Variants in OXSR1 observed in about 807,000 individuals in gnomAD.
OXSR1 encodes the protein oxidative stress responsive kinase 1.
A neutral mutation model predicts 79.8 loss-of-function variants in OXSR1; 24 were observed. The ratio of observed to expected loss-of-function variants is 0.30; its 90% CI spans 0.22 to 0.42. The LOEUF (loss-of-function observed/expected upper bound fraction) is 0.42. OXSR1 is among the 10% of genes least tolerant of loss of function. The pLI is 1.00. For missense variants in OXSR1, 430 were observed against 618.4 expected (o/e 0.70, Z 3.23); for synonymous variants, 226 against 209.2 (o/e 1.08, Z -0.69).
intron 2 of OXSR1, among the ~76,000 whole-genome samples, chr3:38,187,446 G>T (rs1701906005): frequency 6.6e-6 from 1 of 152,132 alleles, no homozygotes; most frequent in African/African-American, 2.4e-5. Context: ...CTCAGTTAAG[G>T]CAGAGACTTT....
At position 38,183,052 on chromosome 3, in the gene OXSR1, G is replaced by C; in HGVS notation, c.120G>C (p.Lys40Asn). 6.2e-7 allele frequency: 1 copy of C among 1,613,036 alleles called. No individual in the cohort carries two copies. Among genetic ancestry groups the C allele is most frequent in the Non-Finnish European group, 8.5e-7 (1 of 1,179,518 alleles). The change falls in exon 2 of 18, where the codon AAG (lysine) becomes AAC (asparagine). Residue 40 changes from lysine to asparagine, a missense_variant. Transcript: ENST00000311806. ...VVQAAYCAPK[K>N]EKVAIKRINL... ...AAGCAGCTTATTGTGCCCCTAAAAA[G>C]GAGAAAGTGGCAATCAAACGGATAA...
At chr3:38,225,319 A>C (rs1482922283) in intron 8 of OXSR1, among the ~76,000 whole-genome samples, 1 of 152,150 alleles carries the variant, frequency 6.6e-6, no homozygotes, top group Non-Finnish European at 1.5e-5. Flanking sequence ...TGAATCTCAA[A>C]GTCCTGATTC....
chr3:38,252,609 T>G (rs1185242908), intron 17 of OXSR1, among the ~76,000 whole-genome samples: 2 of 152,166 alleles, frequency 1.3e-5, no homozygotes, highest in African/African-American at 4.8e-5. Context: ...CCCTTGGCTA[T>G]TCATAAGAGA....
chr3:38,166,571 T>A (rs1351067439), intron 1 of OXSR1, among the ~76,000 whole-genome samples: 1 of 152,062 alleles, frequency 6.6e-6, no homozygotes, highest in Non-Finnish European at 1.5e-5. Flanking sequence ...GGCGGGCGGA[T>A]CACGAGGTCG....
At chr3:38,235,990 G>A (rs1419930500) in intron 10 of OXSR1, among the ~76,000 whole-genome samples, 2 of 152,156 alleles carry the variant, frequency 1.3e-5, no homozygotes, top group Non-Finnish European at 2.9e-5. Context: ...AGATCAGGAG[G>A]TTCTGGTGAG....
intron 4 of OXSR1, among the ~76,000 whole-genome samples, chr3:38,203,108 G>A (rs777521779): frequency 4.9e-4 from 74 of 152,308 alleles, no homozygotes; most frequent in Admixed American, 9.1e-4. Context: ...TTTGAAGTTC[G>A]TAGTAGATAG....
chr3:38,178,394 A>C (rs965460250), intron 1 of OXSR1, among the ~76,000 whole-genome samples: 1 of 152,142 alleles, frequency 6.6e-6, no homozygotes, highest in Non-Finnish European at 1.5e-5. Context: ...TAAATGTAAC[A>C]AACAAATTCT....
At chr3:38,216,055 T>C (rs767412425) in intron 4 of OXSR1, 41 bp from the exon 5 acceptor site, 6 of 1,223,442 alleles carry the variant, frequency 4.9e-6, no homozygotes, top group Middle Eastern at 2.6e-4. Context: ...CTCCAAAGAA[T>C]AGATGTTTTT....
At chr3:38,241,469 C>A (rs1257488458) in intron 11 of OXSR1, among the ~76,000 whole-genome samples, 1 of 152,036 alleles carries the variant, frequency 6.6e-6, no homozygotes, top group East Asian at 1.9e-4. Context: ...AGTATTATAT[C>A]ATGTTAAATT....
intron 4 of OXSR1, among the ~76,000 whole-genome samples, chr3:38,204,084 A>C (rs1032353077): frequency 6.6e-6 from 1 of 150,602 alleles, no homozygotes; most frequent in African/African-American, 2.4e-5. Context: ...CCCCCTTTCC[A>C]CAAGTAGAGG....
At chr3:38,246,804 CCTT>C (rs1703150632) in intron 13 of OXSR1, among the ~76,000 whole-genome samples, 1 of 152,114 alleles carries the variant, frequency 6.6e-6, no homozygotes, top group Non-Finnish European at 1.5e-5. Context: ...CTGTGTAACT[CCTT>C]CTCTCCCTTC....
intron 4 of OXSR1, among the ~76,000 whole-genome samples, chr3:38,201,754 C>T (rs951526534): frequency 6.6e-6 from 1 of 151,844 alleles, no homozygotes; most frequent in Non-Finnish European, 1.5e-5. Context: ...GTCTCAGCTA[C>T]TCAGGAGGCT....
intron 5 of OXSR1, among the ~76,000 whole-genome samples, chr3:38,218,818 A>G (rs930562067): frequency 2.0e-5 from 3 of 152,116 alleles, no homozygotes; most frequent in Non-Finnish European, 1.5e-5. Flanking sequence ...TTCATACCTT[A>G]TTACAGATAA....
intron 1 of OXSR1, among the ~76,000 whole-genome samples, chr3:38,170,048 T>C (rs1388417770): frequency 6.6e-6 from 1 of 151,950 alleles, no homozygotes; most frequent in Non-Finnish European, 1.5e-5. Context: ...AATTTTATTA[T>C]TATTATTTTT....
At chr3:38,195,496 G>A (rs993073987) in intron 3 of OXSR1, among the ~76,000 whole-genome samples, 1 of 152,152 alleles carries the variant, frequency 6.6e-6, no homozygotes, top group Non-Finnish European at 1.5e-5. Flanking sequence ...GCAAATTTTG[G>A]CCTCTTTGAA....
intron 11 of OXSR1, among the ~76,000 whole-genome samples, chr3:38,239,239 TGTTA>T (rs1320637432): frequency 2.0e-5 from 3 of 152,198 alleles, no homozygotes; most frequent in South Asian, 2.1e-4. Flanking sequence ...GGTTTTGTTT[TGTTA>T]GTTATTCTCT....
In OXSR1 at chr3:38,193,774, C is replaced by A. The variant is rs140706891; in HGVS notation, c.292+2935C>A. 9.2e-5 allele frequency among the ~76,000 whole-genome samples: 14 copies of A among 152,146 alleles called. No individual in the cohort carries two copies. In the East Asian group the frequency reaches 1.5e-3, roughly 17 times the overall value. ...CTGGGACATTACCCAATTTTTCTAG[C>A]CTAGCACTCAGCAGATTTCCTGGAG... On this transcript the variant is annotated intron_variant, in intron 3 of 17. Transcript: ENST00000311806.
At chr3:38,189,744 T>G (rs1701948889) in intron 2 of OXSR1, among the ~76,000 whole-genome samples, 1 of 152,224 alleles carries the variant, frequency 6.6e-6, no homozygotes, top group Non-Finnish European at 1.5e-5. Context: ...AAGAACAGTT[T>G]TAGTTCTCAC....
chr3:38,214,722 A>C (rs1260128540), intron 4 of OXSR1, among the ~76,000 whole-genome samples: 1 of 152,234 alleles, frequency 6.6e-6, no homozygotes, highest in African/African-American at 2.4e-5. Flanking sequence ...GATTATAAGC[A>C]GTACAAAATA....
Sources: gnomAD v4.1 joint callset for allele counts (sites outside exome capture counted in the v4.1 genomes callset) on GRCh38, gnomAD v4.1.1 for gene constraint, MANE v1.5 for transcripts, NCBI Gene and HGNC (gene_info 2026-07-23, HGNC 2026-07-21) for gene names.